The following MYPN variants were observed in gnomAD, a reference collection of about 807,000 sequenced individuals.
MYPN encodes myopalladin, also known as sarcomeric protein myopalladin, 145 kDa (MYOP).
Under a neutral mutation model 129.4 loss-of-function variants are expected in MYPN, and 63 were observed. The observed-to-expected ratio is 0.49, with a 90% CI of 0.40 to 0.60. The LOEUF is 0.60. Among genes scored for constraint, MYPN ranks in the 20% least tolerant of loss-of-function variants. The probability of loss-of-function intolerance (pLI) is 0.00; values close to 1 mark genes in which losing one functional copy is unlikely to be tolerated. For missense variants in MYPN, 1,596 were observed against 1,635.4 expected, an observed-to-expected ratio of 0.98 and a Z score of 0.42; for synonymous variants, 629 against 600.9, an observed-to-expected ratio of 1.05 and a Z score of -0.68.
At chr10:68,104,047 C>T (rs1438722654), upstream of MYPN, among the ~76,000 whole-genome samples, 1 of 152,194 alleles carries the variant, frequency 6.6e-6, no homozygotes, top group East Asian at 1.9e-4. Context: ...TTCTTTAAGG[C>T]GTAATTTCCT....
rs953696771 is a variant in MYPN, at chr10:68,145,365, T to G, written c.1079-110T>G. The G allele has an allele frequency of 3.4e-6, 3 of 869,946 alleles. No homozygotes were observed. In the African/African-American group the frequency reaches 5.1e-5, roughly 15 times the overall value. 53.9% of individuals were successfully genotyped at this position (869,946 alleles called of 1,614,324 possible). On this transcript the variant is annotated intron_variant, in intron 3 of 19. Coordinates refer to ENST00000358913, the MANE Select transcript of MYPN (RefSeq NM_032578.4). The stretch of plus-strand genomic sequence containing the variant: ...TAAGATTCTGTAGGTATTCAGATAT[T>G]TAGGAATCAGGTAAACAAAGTATCA...
rs1554850514 is a variant in MYPN at position 68,197,493 on chromosome 10, C to T, written c.3285+15C>T. 6.2e-7 allele frequency: 1 copy of T among 1,613,152 alleles called. No homozygotes were observed. The highest frequency in any genetic ancestry group is 2.2e-5 in the East Asian group (1 of 44,838). ...TGGACTGTAAGGTAGACTCCAGCAC[C>T]CATGCTTAGTTCCAGATCTGTTCAT... On this transcript the variant is annotated intron_variant, in intron 16 of 19. Transcript: ENST00000358913.
upstream of MYPN, chr10:68,106,886 A>G (rs181010202): frequency 4.0e-3 from 2,783 of 704,296 alleles, 10 homozygotes; most frequent in Non-Finnish European, 4.4e-3. Context: ...ACCACAAGAA[A>G]CACATGTGTT....
intron 1 of MYPN, among the ~76,000 whole-genome samples, chr10:68,098,616 C>T (rs1026261594): frequency 3.9e-5 from 6 of 152,072 alleles, no homozygotes; most frequent in South Asian, 2.1e-4. Flanking sequence ...GAGGCCGAGG[C>T]GGGCGGATCA....
chr10:68,152,540 T>A (rs2042790220), intron 6 of MYPN, among the ~76,000 whole-genome samples: 1 of 152,186 alleles, frequency 6.6e-6, no homozygotes, highest in African/African-American at 2.4e-5. Flanking sequence ...GAAGACTATC[T>A]CTAATAACTA....
intron 1 of MYPN, among the ~76,000 whole-genome samples, chr10:68,092,830 C>G (rs565204279): frequency 6.6e-6 from 1 of 152,000 alleles, no homozygotes; most frequent in Non-Finnish European, 1.5e-5. Context: ...CCTCATTTTT[C>G]GTTAACTGAA....
In MYPN at chr10:68,142,981, T is replaced by G. The variant is rs368618036; in HGVS notation, c.944T>G (p.Ile315Ser). 2 of 1,614,096 alleles carry G rather than the reference T, an allele frequency of 1.2e-6. No homozygotes were observed. The highest frequency in any genetic ancestry group is 8.5e-7 in the Non-Finnish European group (1 of 1,179,984). Residue 315 changes from isoleucine (I) to serine (S), a missense_variant, in exon 3 of 20, where the codon ATT becomes AGT. Physicochemically the swap from Ile to Ser is moderately radical, Grantham distance 142. Transcript: ENST00000358913. ...EGKELENSPD[I>S]HIVQAGNLHS... ...AAGGAGCTTGAAAATTCCCCAGATA[T>G]TCACATCGTCCAGGCAGGAAATCTG...
intron 4 of MYPN, among the ~76,000 whole-genome samples, chr10:68,146,521 T>C (rs1031217701): frequency 6.6e-6 from 1 of 152,228 alleles, no homozygotes; most frequent in African/African-American, 2.4e-5. Flanking sequence ...AATCTACTTG[T>C]AGTTGTTGGG....
chr10:68,102,664 T>C (rs10400185), upstream of MYPN, among the ~76,000 whole-genome samples: 11,922 of 152,270 alleles, frequency 0.078, 1,230 homozygotes, highest in African/African-American at 0.24. Context: ...AATGGCAGTC[T>C]GGGTCTTGTT....
At chr10:68,129,123 G>A (rs2134018117) in intron 2 of MYPN, among the ~76,000 whole-genome samples, 1 of 152,126 alleles carries the variant, frequency 6.6e-6, no homozygotes, top group East Asian at 1.9e-4. Context: ...GCGACTTGAT[G>A]GACAGGCAAA....
At position 68,177,026 on chromosome 10, in the gene MYPN, A is replaced by G. The variant is rs79241910; in HGVS notation, c.2703+1565A>G. On this transcript the variant is annotated intron_variant, in intron 12 of 19. Coordinates refer to ENST00000358913, the MANE Select transcript of MYPN (RefSeq NM_032578.4). ...CCTATGTCTTTTACAACTCGGAGAG[A>G]GAGCAATTAGAGCCTTGTAAAAACA... Among the ~76,000 whole-genome samples, 1,330 of 152,356 alleles carry G rather than the reference A, an allele frequency of 8.7e-3. 24 individuals carry two copies. Among genetic ancestry groups the G allele is most frequent in the African/African-American group, 0.03 (1,234 of 41,592 alleles).
chr10:68,188,933 G>A lies in MYPN; in HGVS notation c.2732G>A (p.Arg911Lys), dbSNP rs1454604214. ...QEYKISSFEQ[R>K]LMNEIEFRLE... is the part of the protein sequence containing the mutation. ...TACAAAATTTCAAGCTTTGAGCAGA[G>A]GCTGATGAATGAAATAGAGTTTCGC... The change falls in exon 13 of 20, where the codon AGG becomes AAG. Residue 911 changes from arginine to lysine, a missense_variant. Arg to Lys is a conservative substitution (Grantham distance 26). Coordinates refer to ENST00000358913, the MANE Select transcript of MYPN (RefSeq NM_032578.4). 8.1e-6 allele frequency: 13 copies of A among 1,614,040 alleles called. No homozygotes were observed. The highest frequency in any genetic ancestry group is 1.1e-5 in the Non-Finnish European group (13 of 1,180,006).
intron 1 of MYPN, 104 bp downstream of exon 1, chr10:68,109,827 C>G: frequency 2.7e-6 from 1 of 372,358 alleles, no homozygotes; most frequent in Non-Finnish European, 5.3e-6. Flanking sequence ...GAAATGAAAC[C>G]TAGGATAACT....
chr10:68,200,379 T>C (rs897801807), intron 17 of MYPN, among the ~76,000 whole-genome samples: 1 of 152,222 alleles, frequency 6.6e-6, no homozygotes, highest in Admixed American at 6.5e-5. Flanking sequence ...GACATTGTCA[T>C]CTGGGAGGTG....
intron 1 of MYPN, among the ~76,000 whole-genome samples, chr10:68,116,238 T>C (rs1468849711): frequency 4.6e-5 from 7 of 151,986 alleles, no homozygotes; most frequent in African/African-American, 1.7e-4. Flanking sequence ...TTTATAATAG[T>C]TATAAAATTA....
At chr10:68,206,215 A>G (rs1399610781) in intron 18 of MYPN, among the ~76,000 whole-genome samples, 1 of 152,196 alleles carries the variant, frequency 6.6e-6, no homozygotes, top group Non-Finnish European at 1.5e-5. Context: ...TGATTCTGAT[A>G]TAATTACCTG....
chr10:68,196,515 A>T (rs7914178), intron 15 of MYPN, among the ~76,000 whole-genome samples: 2 of 124,658 alleles, frequency 1.6e-5, no homozygotes, highest in Non-Finnish European at 1.7e-5. Flanking sequence ...TGGGGGTCTC[A>T]CTCTGTCACC....
chr10:68,201,758 G>T, intron 17 of MYPN, 71 bp from the exon 18 acceptor site: 1 of 1,556,946 alleles, frequency 6.4e-7, no homozygotes, highest in Non-Finnish European at 8.7e-7. Flanking sequence ...TCCAGCCTGG[G>T]TGACAGAGCA....
chr10:68,145,273 C>G (rs773377666), intron 3 of MYPN, among the ~76,000 whole-genome samples: 2 of 152,122 alleles, frequency 1.3e-5, no homozygotes, highest in Non-Finnish European at 2.9e-5. Flanking sequence ...ATCCACCCCC[C>G]TCGGCCTCCC....
Sources: allele counts gnomAD v4.1 joint callset (sites outside exome capture counted in the v4.1 genomes callset), GRCh38; gene constraint gnomAD v4.1.1; transcripts MANE v1.5; gene names NCBI Gene and HGNC (gene_info 2026-07-23, HGNC 2026-07-21).